SETD5: variants seen among roughly 807,000 people sequenced by gnomAD.
The protein encoded by SETD5 is histone-lysine N-methyltransferase SETD5.
A neutral mutation model predicts 153.3 loss-of-function variants in SETD5; 44 were observed. The ratio of observed to expected loss-of-function variants is 0.29; its 90% CI spans 0.23 to 0.37. SETD5 has a LOEUF of 0.37. Ranked by LOEUF, SETD5 falls within the 10% of genes least tolerant of loss-of-function variation. SETD5 has a pLI of 1.00. For missense variants in SETD5, 1,544 were observed against 1,768.0 expected, an observed-to-expected ratio of 0.87 and a Z score of 2.27; for synonymous variants, 716 against 645.2, an observed-to-expected ratio of 1.11 and a Z score of -1.66.
At chr3:9,441,780 G>T (rs1386723025) in intron 9 of SETD5, 39 bp downstream of exon 9, 1 of 1,611,982 alleles carries the variant, frequency 6.2e-7, no homozygotes, top group Non-Finnish European at 8.5e-7. Context: ...GGCTAAGGTG[G>T]ACCTGGTTGA....
Position 9,428,918 on chromosome 3 carries a change from A to G in SETD5, c.-21A>G, listed in dbSNP as rs189957277. 3.3e-4 allele frequency: 537 copies of G among 1,605,566 alleles called. No homozygotes were observed. The highest frequency in any genetic ancestry group is 1.2e-3 in the Middle Eastern group (7 of 6,050). ...CATTAATTGGACCCCGTGATTTCCA[A>G]TCTCTGCTGTGTTGGACGTCATGAG... On this transcript the variant is annotated 5_prime_UTR_variant, in exon 3 of 23. Transcript: ENST00000402198.
intron 17 of SETD5, among the ~76,000 whole-genome samples, chr3:9,456,005 G>C (rs529078837): frequency 6.6e-6 from 1 of 151,944 alleles, no homozygotes; most frequent in South Asian, 2.1e-4. Flanking sequence ...AAGTTATATT[G>C]CTACAAAATT....
chr3:9,437,011 G>T (rs1297476249), intron 7 of SETD5: 1 of 807,522 alleles, frequency 1.2e-6, no homozygotes, highest in Non-Finnish European at 1.9e-6. Context: ...GTTTGTAGTT[G>T]TTGCCATTCA....
At chr3:9,403,024 A>T (rs1246888622) in intron 1 of SETD5, among the ~76,000 whole-genome samples, 1 of 152,188 alleles carries the variant, frequency 6.6e-6, no homozygotes, top group African/African-American at 2.4e-5. Context: ...GCGGGGCAGG[A>T]CAAAGGGCTC....
At chr3:9,459,181 T>C (rs2043620571) in intron 17 of SETD5, among the ~76,000 whole-genome samples, 1 of 152,148 alleles carries the variant, frequency 6.6e-6, no homozygotes, top group South Asian at 2.1e-4. Context: ...TGTAGTCAAA[T>C]TTGTTCAGCA....
intron 11 of SETD5, among the ~76,000 whole-genome samples, chr3:9,443,629 AT>A (rs1279829672): frequency 1.3e-5 from 2 of 149,244 alleles, no homozygotes; most frequent in Non-Finnish European, 3.0e-5. Context: ...CTGCTCACAA[AT>A]TTCCTGACAG....
At chr3:9,423,872 G>C (rs1407959609) in intron 1 of SETD5, among the ~76,000 whole-genome samples, 1 of 152,062 alleles carries the variant, frequency 6.6e-6, no homozygotes, top group Non-Finnish European at 1.5e-5. Context: ...CTTCCTTTTT[G>C]GAAGGTAGAA....
rs780643354 is a variant in SETD5, at chr3:9,429,028, G to A, written c.71+19G>A. 1.9e-6 allele frequency: 3 copies of A among 1,587,018 alleles called. No individual in the cohort carries two copies. In the Admixed American group the frequency reaches 5.0e-5, roughly 27 times the overall value. On this transcript the variant is annotated intron_variant, in intron 3 of 22. Transcript: ENST00000402198. The stretch of plus-strand genomic sequence containing the variant: ...GATCAGAGTAAGTGCTACTTTCTAG[G>A]TAGTAGGTACATTATCAGTCTGTGT...
chr3:9,473,299 G>A lies in SETD5; in HGVS notation c.3259G>A (p.Gly1087Ser), dbSNP rs2045527216. 1 of 1,613,970 alleles carries A rather than the reference G, an allele frequency of 6.2e-7. No individual in the cohort carries two copies. The highest frequency in any genetic ancestry group is 1.3e-5 in the African/African-American group (1 of 75,018). The change falls in exon 20 of 23, where the codon GGT becomes AGT. Residue 1087 changes from glycine to serine, a missense_variant. Coordinates refer to ENST00000402198, the MANE Select transcript of SETD5 (RefSeq NM_001080517.3). ...EAKENSAGGG[G>S]DSAQSKSKSA... is the part of the protein sequence containing the mutation. ...TAAGGAAAATTCTGCTGGTGGGGGAGGTGACTCTGCACAGAGCAAAAGCAA... is the reference window on the plus strand; with the variant it reads ...TAAGGAAAATTCTGCTGGTGGGGGAAGTGACTCTGCACAGAGCAAAAGCAA...
At chr3:9,456,976 A>AAAAG (rs752632987) in intron 17 of SETD5, among the ~76,000 whole-genome samples, 81 of 151,730 alleles carry the variant, frequency 5.3e-4, no homozygotes, top group African/African-American at 1.5e-3. Context: ...CTCCGTCTCA[A>AAAAG]AAAGAAAGAA....
intron 17 of SETD5, among the ~76,000 whole-genome samples, chr3:9,460,166 A>C (rs1227363139): frequency 2.6e-5 from 4 of 152,090 alleles, no homozygotes; most frequent in Non-Finnish European, 5.9e-5. Context: ...ACTGGTAGAG[A>C]TTAATAGGGT....
chr3:9,403,864 C>T (rs1387072934), intron 1 of SETD5, among the ~76,000 whole-genome samples: 2 of 152,036 alleles, frequency 1.3e-5, no homozygotes, highest in Admixed American at 6.6e-5. Context: ...GTTAAAGGAT[C>T]GGTGTTCTGA....
Position 9,434,196 on chromosome 3 carries a change from TTTC to T in SETD5, c.178-135_178-133del. ...AAAAACAAAGGGTACTACTTTCTTC[TTTC>T]TTTCCATATGTACCATACTTTAGGG... On this transcript the variant is annotated intron_variant, in intron 4 of 22. Transcript: ENST00000402198. The surrounding 1 kb of genome is among the most constrained non-coding windows in gnomAD (Gnocchi z 5.6). 6.5e-7 allele frequency: 1 copy of T among 1,550,164 alleles called. No individual in the cohort carries two copies. Among genetic ancestry groups the T allele is most frequent in the Non-Finnish European group, 8.7e-7 (1 of 1,143,930 alleles).
chr3:9,474,614 T>A (rs1435994826), intron 21 of SETD5, 32 bp downstream of exon 21: 3 of 1,611,222 alleles, frequency 1.9e-6, no homozygotes, highest in Admixed American at 3.3e-5. Context: ...GCCACCACAT[T>A]CAGGGACACA....
rs1215475308 is a variant in SETD5, at chr3:9,434,308, C to A, written c.178-26C>A. The stretch of plus-strand genomic sequence containing the variant: ...AATTACGGAGCCCCTCCTCCTCCGA[C>A]ACCTCCTGCTTCTCCCCCTGTCCAG... On this transcript the variant is annotated intron_variant, in intron 4 of 22. Transcript: ENST00000402198. This position sits in a 1 kb window ranked among gnomAD's most constrained non-coding sequence, Gnocchi z 5.6. The A allele has an allele frequency of 6.2e-7, 1 of 1,613,216 alleles. No individual in the cohort carries two copies. The highest frequency in any genetic ancestry group is 1.3e-5 in the African/African-American group (1 of 74,916).
At position 9,397,651 on chromosome 3, in the gene SETD5, T is replaced by TGCCGCCGCCGCC. The variant is rs368632604; in HGVS notation, c.-479_-468dup. 297 of 172,388 alleles carry TGCCGCCGCCGCC rather than the reference T, an allele frequency of 1.7e-3. No individual in the cohort carries two copies. The highest frequency in any genetic ancestry group is 0.011 in the Middle Eastern group (4 of 370). 10.7% of individuals were successfully genotyped at this position (172,388 alleles called of 1,614,324 possible). ...CGCTCGGGCAGCGGGCTGAGTGAGCTGCCGCCGCCGCCGCCGCCGCCGCCG... is the reference window on the plus strand; with the variant it reads ...CGCTCGGGCAGCGGGCTGAGTGAGCTGCCGCCGCCGCCGCCGCCGCCGCCGCCGCCGCCGCCG... On this transcript the variant is annotated 5_prime_UTR_variant, in exon 1 of 23. Coordinates refer to ENST00000402198, the MANE Select transcript of SETD5 (RefSeq NM_001080517.3).
intron 8 of SETD5, 45 bp downstream of exon 8, chr3:9,440,743 A>G (rs2041167205): frequency 5.1e-6 from 8 of 1,582,792 alleles, no homozygotes; most frequent in Non-Finnish European, 6.9e-6. Context: ...CTGAAATTTT[A>G]AGAACCCAGG....
chr3:9,430,693 C>T (rs2039856571), intron 3 of SETD5: 4 of 378,214 alleles, frequency 1.1e-5, no homozygotes, highest in African/African-American at 2.2e-5. Context: ...TAAACCAATA[C>T]GTTTGGAATT....
chr3:9,428,499 T>C (rs1052224014), intron 2 of SETD5, among the ~76,000 whole-genome samples: 6 of 152,258 alleles, frequency 3.9e-5, no homozygotes, highest in Non-Finnish European at 7.3e-5. Flanking sequence ...ACTTGTTTGC[T>C]ATATCCTAGG....
Sources: allele counts gnomAD v4.1 joint callset (sites outside exome capture counted in the v4.1 genomes callset), GRCh38; gene constraint gnomAD v4.1.1; non-coding constraint Gnocchi (gnomAD v3.1); transcripts MANE v1.5; gene names NCBI Gene and HGNC (gene_info 2026-07-23, HGNC 2026-07-21).